RBFOX1: variants seen among roughly 807,000 people sequenced by gnomAD.
RBFOX1 encodes the protein RNA binding protein fox-1 homolog 1.
A neutral mutation model predicts 57.7 loss-of-function variants in RBFOX1; 8 were observed. The observed-to-expected ratio is 0.14, with a 90% CI of 0.08 to 0.25. The LOEUF is 0.25. RBFOX1 is among the 10% of genes least tolerant of loss of function. The pLI, the probability that RBFOX1 is intolerant of heterozygous loss-of-function variation, is 1.00. For missense variants in RBFOX1, 611 were observed against 548.5 expected (o/e 1.11, Z -1.14); for synonymous variants, 326 against 222.4 (o/e 1.47, Z -4.15).
At chr16:6,514,342 T>C (rs1490355393) in intron 2 of RBFOX1, among the ~76,000 whole-genome samples, 2 of 152,146 alleles carry the variant, frequency 1.3e-5, no homozygotes, top group African/African-American at 4.8e-5. Context: ...GCGTGGAGGC[T>C]TAAGAGCTTC....
At chr16:5,475,766 G>T (rs1597218587) in intron 2 of RBFOX1, among the ~76,000 whole-genome samples, 2 of 152,310 alleles carry the variant, frequency 1.3e-5, no homozygotes, top group Middle Eastern at 6.8e-3. Context: ...GGAAGTGGCA[G>T]AGCCAAGAGT....
At position 5,938,349 on chromosome 16, in the gene RBFOX1, A is replaced by G. The variant is rs561146448; in HGVS notation, c.351+71014A>G. On this transcript the variant is annotated intron_variant, in intron 4 of 19. Coordinates refer to the RBFOX1 transcript ENST00000641259. ...TGTCTCACTGATCGTTGCTGATGGA[A>G]TTTCAATTTTGGCCCTATTTCAGTG... Among the ~76,000 whole-genome samples the G allele has an allele frequency of 3.3e-5, 5 of 152,268 alleles. No individual in the cohort carries two copies. The South Asian group carries it at 1.0e-3, about 32-fold the overall frequency.
chr16:7,109,743 C>G (rs1430290247), intron 4 of RBFOX1, among the ~76,000 whole-genome samples: 2 of 151,954 alleles, frequency 1.3e-5, no homozygotes, highest in African/African-American at 4.8e-5. Context: ...ATTCCAGATC[C>G]AAAAAATCGA....
intron 3 of RBFOX1, among the ~76,000 whole-genome samples, chr16:6,905,872 A>G (rs1484967609): frequency 6.6e-6 from 1 of 152,182 alleles, no homozygotes; most frequent in Middle Eastern, 3.2e-3. Context: ...CCCTCTGCTG[A>G]TCCCTGGAAG....
intron 3 of RBFOX1, among the ~76,000 whole-genome samples, chr16:7,040,910 G>GT (rs930786036): frequency 4.8e-5 from 4 of 83,688 alleles, no homozygotes; most frequent in Admixed American, 1.2e-4. Context: ...TTGTTTTTTT[G>GT]TTTTTTTGTT....
intron 4 of RBFOX1, among the ~76,000 whole-genome samples, chr16:7,441,731 C>A (rs1300438906): frequency 6.6e-6 from 1 of 152,218 alleles, no homozygotes; most frequent in Admixed American, 6.5e-5. Context: ...ACTTCACCCA[C>A]CAGCTGGAGC....
chr16:7,614,202 T>C (rs2058051047), intron 10 of RBFOX1: 1 of 152,228 alleles, frequency 6.6e-6, no homozygotes, highest in African/African-American at 2.4e-5. Flanking sequence ...GCAGTGCACT[T>C]CAGTGAACTG....
chr16:5,423,145 G>T (rs1342796927), intron 1 of RBFOX1, among the ~76,000 whole-genome samples: 1 of 151,866 alleles, frequency 6.6e-6, no homozygotes, highest in Non-Finnish European at 1.5e-5. Flanking sequence ...GAGGGAGAAG[G>T]TTGAAATAAT....
intron 4 of RBFOX1, among the ~76,000 whole-genome samples, chr16:7,396,702 G>A (rs1182321646): frequency 1.3e-5 from 2 of 152,206 alleles, no homozygotes. Context: ...CACTTTGGGA[G>A]GCTGAGGTGG....
At position 6,307,819 on chromosome 16, in the gene RBFOX1, TTA is replaced by T. The variant is rs201985511; in HGVS notation, c.-126-9174_-126-9173del. Among the ~76,000 whole-genome samples, 1,242 of 147,252 alleles carry T rather than the reference TTA, an allele frequency of 8.4e-3. 21 individuals are homozygous for T. Among genetic ancestry groups the T allele is most frequent in the African/African-American group, 0.028 (1,153 of 40,912 alleles). On this transcript the variant is annotated intron_variant, in intron 1 of 15. Transcript: ENST00000550418. The stretch of plus-strand genomic sequence containing the variant: ...ATTTACATATTTGTATCAGTGATAA[TTA>T]TGTTATTTATATGTTTATTTGGATT...
intron 2 of RBFOX1, among the ~76,000 whole-genome samples, chr16:5,565,266 T>C (rs1434876589): frequency 6.6e-6 from 1 of 150,648 alleles, no homozygotes; most frequent in African/African-American, 2.5e-5. Flanking sequence ...GGTGTGTGTG[T>C]GTGCGTGTGT....
intron 2 of RBFOX1, among the ~76,000 whole-genome samples, chr16:6,622,179 T>A (rs535286321): frequency 1.3e-5 from 2 of 152,304 alleles, no homozygotes; most frequent in East Asian, 3.9e-4. Flanking sequence ...TTGCTGAATA[T>A]TTTTGCTACA....
intron 2 of RBFOX1, among the ~76,000 whole-genome samples, chr16:6,505,527 C>T (rs957610806): frequency 3.3e-5 from 5 of 152,178 alleles, no homozygotes; most frequent in Non-Finnish European, 2.9e-5. Flanking sequence ...CACGTTTACT[C>T]TGTGTATTCT....
In RBFOX1 at chr16:7,065,031, G is replaced by C. The variant is rs149271254; in HGVS notation, c.27+12933G>C. Among the ~76,000 whole-genome samples, 448 of 152,264 alleles carry C rather than the reference G, an allele frequency of 2.9e-3. 7 individuals are homozygous for C. Among genetic ancestry groups the C allele is most frequent in the Admixed American group, 0.021 (314 of 15,294 alleles). ...TGGACGCAGCAATCCTCTATTGTTCGATATGGATGGAGAAAGGAACAGATG... is the reference window on the plus strand; with the variant it reads ...TGGACGCAGCAATCCTCTATTGTTCCATATGGATGGAGAAAGGAACAGATG... On this transcript the variant is annotated intron_variant, in intron 4 of 15. Transcript: ENST00000550418.
At chr16:6,581,680 C>G (rs933270491) in intron 2 of RBFOX1, among the ~76,000 whole-genome samples, 1 of 152,202 alleles carries the variant, frequency 6.6e-6, no homozygotes, top group Non-Finnish European at 1.5e-5. Flanking sequence ...CTAAGGGGGC[C>G]TCCCTCATGG....
intron 2 of RBFOX1, among the ~76,000 whole-genome samples, chr16:6,523,553 A>G (rs2096537932): frequency 1.3e-5 from 2 of 152,084 alleles, no homozygotes; most frequent in South Asian, 4.1e-4. Context: ...TACGCTACTT[A>G]CCCTTTTTTG....
At position 6,898,548 on chromosome 16, in the gene RBFOX1, G is replaced by T. The variant is rs149145474; in HGVS notation, c.-15-153509G>T. On this transcript the variant is annotated intron_variant, in intron 3 of 15. Transcript: ENST00000550418. Reference sequence around the variant, plus strand: ...TACAGACGCAAAGGAAACAGAACATGGATTCTGCTGTGTTACACGGTACAT... The same window carrying T: ...TACAGACGCAAAGGAAACAGAACATTGATTCTGCTGTGTTACACGGTACAT... 2.6e-5 allele frequency among the ~76,000 whole-genome samples: 4 copies of T among 152,264 alleles called. No homozygotes were observed. In the East Asian group the frequency reaches 7.7e-4, roughly 29 times the overall value.
At position 6,642,812 on chromosome 16, in the gene RBFOX1, CCTGAAGA is replaced by C. The variant is rs551745475; in HGVS notation, c.-63-11790_-63-11784del. Among the ~76,000 whole-genome samples, 22 of 152,180 alleles carry C rather than the reference CCTGAAGA, an allele frequency of 1.4e-4. No homozygotes were observed. In the East Asian group the frequency reaches 1.7e-3, roughly 12 times the overall value. On this transcript the variant is annotated intron_variant, in intron 2 of 15. Transcript: ENST00000550418. ...TCAGAGAAAATATCCCCTTAGGCCCCCTGAAGATTCCTCCAAATGTTTATAAAGTCAG... is the reference window on the plus strand; with the variant it reads ...TCAGAGAAAATATCCCCTTAGGCCCCTTCCTCCAAATGTTTATAAAGTCAG...
Position 6,019,321 on chromosome 16 carries a change from G to A in RBFOX1, c.-798G>A, listed in dbSNP as rs893215198. 119 of 985,004 alleles carry A rather than the reference G, an allele frequency of 1.2e-4. No homozygotes were observed. The African/African-American group carries it at 2.0e-3, about 17-fold the overall frequency. The allele number at this position is 985,004 out of a possible 1,614,324, so 61.0% of individuals were successfully genotyped here. A position where few individuals can be genotyped will look rare whatever the true frequency, so the allele number is the denominator to read the frequency against. On this transcript the variant is annotated 5_prime_UTR_variant, in exon 1 of 16. Transcript: ENST00000550418. This position sits in a 1 kb window ranked among gnomAD's most constrained non-coding sequence, Gnocchi z 4.2. ...GTCACCTCCTTTCCAGTCCCCGTGC[G>A]AGCCGCGCTGCCGCCGCCTCCTCCA...
Sources: gnomAD v4.1 joint callset for allele counts (sites outside exome capture counted in the v4.1 genomes callset) on GRCh38, gnomAD v4.1.1 for gene constraint, Gnocchi (gnomAD v3.1) non-coding constraint, MANE v1.5 for transcripts, NCBI Gene and HGNC (gene_info 2026-07-23, HGNC 2026-07-21) for gene names.